Variants in HSPA4 observed in about 807,000 individuals in gnomAD.
HSPA4 encodes heat shock 70 kDa protein 4.
HSPA4 carries 25 observed loss-of-function variants against 106.2 expected under a neutral mutation model. That is an observed-to-expected ratio of 0.24 (90% confidence interval 0.17 to 0.33). The LOEUF is 0.33. Among genes scored for constraint, HSPA4 ranks in the 10% least tolerant of loss-of-function variants. The pLI is 1.00. For missense variants in HSPA4, 841 were observed against 996.0 expected (o/e 0.84, Z 2.10); for synonymous variants, 332 against 333.6 (o/e 1.00, Z 0.05).
Position 133,091,458 on chromosome 5 carries a change from C to A in HSPA4, c.1560+84C>A, listed in dbSNP as rs1488909836. On this transcript the variant is annotated intron_variant, in intron 12 of 18. Transcript: ENST00000304858. ...TAGCAAGCAGACTTGGTGGCAAGGCCGGAGCATTGTGACAGAGCTGCTGAG... is the reference window on the plus strand; with the variant it reads ...TAGCAAGCAGACTTGGTGGCAAGGCAGGAGCATTGTGACAGAGCTGCTGAG... The A allele has an allele frequency of 5.8e-6, 6 of 1,034,402 alleles. No individual in the cohort carries two copies. The African/African-American group carries it at 9.7e-5, about 17-fold the overall frequency. 64.1% of individuals were successfully genotyped at this position (1,034,402 alleles called of 1,614,324 possible). A position where few individuals can be genotyped will look rare whatever the true frequency, so the allele number is the denominator to read the frequency against.
intron 7 of HSPA4, among the ~76,000 whole-genome samples, chr5:133,083,815 G>A (rs1371250277): frequency 6.6e-6 from 1 of 152,174 alleles, no homozygotes; most frequent in Non-Finnish European, 1.5e-5. Flanking sequence ...GGGATTACAG[G>A]TGTGAGCTAC....
chr5:133,072,834 C>T (rs1765401905), intron 4 of HSPA4, among the ~76,000 whole-genome samples: 1 of 152,206 alleles, frequency 6.6e-6, no homozygotes, highest in Non-Finnish European at 1.5e-5. Context: ...AGTTTAGGTA[C>T]AGTGAACCAC....
At chr5:133,101,653 TATA>T in intron 16 of HSPA4, 103 bp from the exon 17 acceptor site, 2 of 1,049,868 alleles carry the variant, frequency 1.9e-6, no homozygotes, top group Non-Finnish European at 2.8e-6. Flanking sequence ...TTTAACTTCT[TATA>T]TATAGCACAC....
intron 13 of HSPA4, 82 bp from the exon 14 acceptor site, chr5:133,096,016 A>G (rs892518236): frequency 9.5e-5 from 121 of 1,270,646 alleles, no homozygotes; most frequent in Middle Eastern, 1.9e-4. Flanking sequence ...AAAAAAGCAA[A>G]AACAGTTTTC....
At chr5:133,072,791 G>A (rs912446405) in intron 4 of HSPA4, among the ~76,000 whole-genome samples, 9 of 152,172 alleles carry the variant, frequency 5.9e-5, no homozygotes, top group African/African-American at 1.9e-4. Flanking sequence ...AAGGAAAGCC[G>A]GTAGTCAGCA....
intron 1 of HSPA4, among the ~76,000 whole-genome samples, chr5:133,054,613 AT>A (rs1210755586): frequency 6.6e-6 from 1 of 152,108 alleles, no homozygotes; most frequent in African/African-American, 2.4e-5. Flanking sequence ...ATTTTAGAAC[AT>A]TTTTATCACT....
rs1380854316 is a variant in HSPA4, at chr5:133,105,854, C to T, written c.*1418C>T. ...ACAGGCTCTAAAGTGCAATGGAGAA[C>T]AATTGCTTAGGAGGAGGAAGGGGAA... On this transcript the variant is annotated 3_prime_UTR_variant, in exon 19 of 19. Transcript: ENST00000304858. 2 of 151,910 alleles carry T rather than the reference C, an allele frequency of 1.3e-5. No individual in the cohort carries two copies. Among genetic ancestry groups the T allele is most frequent in the East Asian group, 3.9e-4 (2 of 5,182 alleles). The allele number at this position is 151,910 out of a possible 1,614,324, so 9.4% of individuals were successfully genotyped here.
At chr5:133,066,213 TTC>T (rs1765303661) in intron 2 of HSPA4, among the ~76,000 whole-genome samples, 1 of 152,148 alleles carries the variant, frequency 6.6e-6, no homozygotes, top group Non-Finnish European at 1.5e-5. Context: ...GTTACAGAGT[TTC>T]TGTTTGGCAG....
chr5:133,056,789 C>G (rs985465521), intron 1 of HSPA4, among the ~76,000 whole-genome samples: 1 of 152,090 alleles, frequency 6.6e-6, no homozygotes, highest in Non-Finnish European at 1.5e-5. Flanking sequence ...GAATTCTTTA[C>G]ACAAATATAA....
At position 133,073,343 on chromosome 5, in the gene HSPA4, T is replaced by C. The variant is rs749578528; in HGVS notation, c.529+14T>C. On this transcript the variant is annotated intron_variant, in intron 5 of 18. Transcript: ENST00000304858. ...AAACCACTGCAGGTAAGGAGGACCG[T>C]TGATTATTTTTTTGACTTGGTTAAT... is the stretch of plus-strand genomic sequence containing the variant. The C allele has an allele frequency of 1.3e-6, 2 of 1,514,424 alleles. No individual in the cohort carries two copies. The allele number at this position is 1,514,424 out of a possible 1,614,324, so 93.8% of individuals were successfully genotyped here. A position where few individuals can be genotyped will look rare whatever the true frequency, so the allele number is the denominator to read the frequency against.
At chr5:133,060,611 C>CT (rs2126694235) in intron 1 of HSPA4, among the ~76,000 whole-genome samples, 1 of 152,302 alleles carries the variant, frequency 6.6e-6, no homozygotes, top group African/African-American at 2.4e-5. Flanking sequence ...ATCTGCCCAC[C>CT]TCGGCCTCTC....
At chr5:133,089,220 A>C in intron 10 of HSPA4, 59 bp downstream of exon 10, 1 of 924,550 alleles carries the variant, frequency 1.1e-6, no homozygotes, top group East Asian at 2.5e-5. Context: ...GGTCTGAGTA[A>C]TATGTTGCTT....
At chr5:133,100,848 C>T (rs879378255) in intron 16 of HSPA4, among the ~76,000 whole-genome samples, 4 of 152,138 alleles carry the variant, frequency 2.6e-5, no homozygotes, top group Non-Finnish European at 5.9e-5. Flanking sequence ...CTCTGTCAGT[C>T]GGGCTGGAGT....
chr5:133,057,360 CTTTT>C (rs74273264), intron 1 of HSPA4, among the ~76,000 whole-genome samples: 1 of 139,506 alleles, frequency 7.2e-6, no homozygotes. Flanking sequence ...TTCTGCGTAC[CTTTT>C]TTTTTTTTTT....
chr5:133,088,625 C>T, intron 9 of HSPA4, 70 bp downstream of exon 9: 1 of 1,340,050 alleles, frequency 7.5e-7, no homozygotes, highest in East Asian at 2.3e-5. Flanking sequence ...GTTTATGTAT[C>T]TAATAACCTG....
At position 133,070,486 on chromosome 5, in the gene HSPA4, G is replaced by T; in HGVS notation, c.419G>T (p.Cys140Phe). ...GTTCTTAAGAAGCCTGTAGTTGACT[G>T]TGTTGTTTCGGTGAGTTTGATCCCT... Reference protein sequence around the residue: ...ESVLKKPVVDCVVSVPCFYTD... With the variant: ...ESVLKKPVVDFVVSVPCFYTD... The change falls in exon 4 of 19, where the codon TGT becomes TTT. Residue 140 changes from cysteine to phenylalanine, a missense_variant. Cys to Phe is a radical substitution (Grantham distance 205). Around this residue, in one of 5 missense-constraint regions of HSPA4, gnomAD observed 347 missense variants for 408.7 expected, o/e 0.85. Coordinates refer to ENST00000304858, the MANE Select transcript of HSPA4 (RefSeq NM_002154.4). 6.2e-7 allele frequency: 1 copy of T among 1,613,872 alleles called. No individual in the cohort carries two copies. The highest frequency in any genetic ancestry group is 1.1e-5 in the South Asian group (1 of 91,086).
intron 15 of HSPA4, among the ~76,000 whole-genome samples, chr5:133,097,988 A>G (rs1489113295): frequency 1.3e-5 from 2 of 150,694 alleles, no homozygotes; most frequent in Admixed American, 1.3e-4. Flanking sequence ...TATAGTGGTG[A>G]ATTCTGAGAT....
intron 1 of HSPA4, among the ~76,000 whole-genome samples, chr5:133,060,996 C>T (rs1244895842): frequency 1.3e-5 from 2 of 151,620 alleles, no homozygotes; most frequent in African/African-American, 2.4e-5. Context: ...CATTAGACAG[C>T]ATGTATCTGT....
chr5:133,066,986 A>T (rs1429864204), intron 2 of HSPA4, among the ~76,000 whole-genome samples: 1 of 152,178 alleles, frequency 6.6e-6, no homozygotes, highest in Non-Finnish European at 1.5e-5. Flanking sequence ...TGCTGGGATT[A>T]CAGGCGTGAG....
Sources: allele counts gnomAD v4.1 joint callset (sites outside exome capture counted in the v4.1 genomes callset), GRCh38; gene constraint gnomAD v4.1.1; regional missense constraint gnomAD v4.1.1; transcripts MANE v1.5; gene names NCBI Gene and HGNC (gene_info 2026-07-23, HGNC 2026-07-21).